The following KCNQ2 variants were observed in gnomAD, a reference collection of about 807,000 sequenced individuals.
The protein encoded by KCNQ2 is potassium voltage-gated channel subfamily KQT member 2.
KCNQ2 carries 14 observed loss-of-function variants against 84.8 expected under a neutral mutation model. The observed-to-expected ratio is 0.17, with a 90% CI of 0.11 to 0.26. The LOEUF (loss-of-function observed/expected upper bound fraction) is 0.26, where lower values mean the gene tolerates loss of function less well. Among genes scored for constraint, KCNQ2 ranks in the 10% least tolerant of loss-of-function variants. The pLI is 1.00. For synonymous variants in KCNQ2, 599 were observed against 554.1 expected (o/e 1.08, Z -1.14); for missense variants, 788 against 1,254.0 (o/e 0.63, Z 5.61).
At chr20:63,415,304 C>T (rs914765083) in intron 12 of KCNQ2, among the ~76,000 whole-genome samples, 178 bp from the exon 13 acceptor site, 1 of 141,340 alleles carries the variant, frequency 7.1e-6, no homozygotes, top group African/African-American at 2.6e-5. Flanking sequence ...ACCGAGCACC[C>T]GGCGGGAGGG....
At chr20:63,426,105 G>A (rs532618432) in intron 10 of KCNQ2, among the ~76,000 whole-genome samples, 221 of 152,334 alleles carry the variant, frequency 1.5e-3, no homozygotes, top group African/African-American at 5.0e-3. Flanking sequence ...GAGCGCCACC[G>A]GCCTGTTTCC....
Position 63,406,488 on chromosome 20 carries a change from C to T in KCNQ2, c.*156G>A, listed in dbSNP as rs1300853399. ...TTTTGTAAAAGGTCACTGCCAGGAG[C>T]CCCCATCCTTCAGCCCACATGGGCC... On this transcript the variant is annotated 3_prime_UTR_variant, in exon 17 of 17. Coordinates refer to ENST00000359125, the MANE Select transcript of KCNQ2 (RefSeq NM_172107.4). The T allele has an allele frequency of 9.3e-6, 8 of 861,300 alleles. No homozygotes were observed. The highest frequency in any genetic ancestry group is 1.4e-5 in the Non-Finnish European group (8 of 577,656). 53.4% of individuals were successfully genotyped at this position (861,300 alleles called of 1,614,324 possible). A position where few individuals can be genotyped will look rare whatever the true frequency, so the allele number is the denominator to read the frequency against.
At chr20:63,409,794 G>A (rs2080061624) in intron 15 of KCNQ2, among the ~76,000 whole-genome samples, 1 of 144,516 alleles carries the variant, frequency 6.9e-6, no homozygotes, top group African/African-American at 2.6e-5. Context: ...CCTCTGATGG[G>A]GGCGGGACTT....
rs1283295224 is a variant in KCNQ2 at position 63,401,940 on chromosome 20, C to G, written c.*4704G>C. 1 of 179,382 alleles carries G rather than the reference C, an allele frequency of 5.6e-6. No individual in the cohort carries two copies. The highest frequency in any genetic ancestry group is 1.2e-5 in the Non-Finnish European group (1 of 83,706). 11.1% of individuals were successfully genotyped at this position (179,382 alleles called of 1,614,324 possible). A position where few individuals can be genotyped will look rare whatever the true frequency, so the allele number is the denominator to read the frequency against. ...CTCGTGAGCCATCCCTCTCATACCACGTCTGCTGGGCACCCTCCACGGCAG... is the reference window on the plus strand; with the variant it reads ...CTCGTGAGCCATCCCTCTCATACCAGGTCTGCTGGGCACCCTCCACGGCAG... On this transcript the variant is annotated 3_prime_UTR_variant, in exon 17 of 17. Coordinates refer to ENST00000359125, the MANE Select transcript of KCNQ2 (RefSeq NM_172107.4).
intron 4 of KCNQ2, among the ~76,000 whole-genome samples, chr20:63,443,367 TCATCACCACCATCATCAC>T (rs1568937457): frequency 5.4e-4 from 11 of 20,228 alleles, no homozygotes; most frequent in African/African-American, 1.5e-3. Context: ...ACCATCACCA[TCATCACCACCATCATCAC>T]CACCACCATC....
intron 3 of KCNQ2, 75 bp from the exon 4 acceptor site, chr20:63,444,909 C>T: frequency 2.1e-6 from 3 of 1,454,828 alleles, no homozygotes; most frequent in South Asian, 2.7e-5. Context: ...CCCCACCCCG[C>T]GTTCCAGGAG....
chr20:63,422,073 G>T (rs1021518427), intron 11 of KCNQ2, among the ~76,000 whole-genome samples: 3 of 152,146 alleles, frequency 2.0e-5, no homozygotes, highest in African/African-American at 7.2e-5. Flanking sequence ...GACACCAGCG[G>T]GGTCCTGCCA....
chr20:63,442,323 C>T, intron 5 of KCNQ2, 83 bp downstream of exon 5: 1 of 1,593,030 alleles, frequency 6.3e-7, no homozygotes, highest in South Asian at 1.1e-5. Context: ...ATGGAGCAGG[C>T]TCAGCCAGTG....
chr20:63,465,799 T>C (rs1181711570), intron 1 of KCNQ2, among the ~76,000 whole-genome samples: 2 of 152,164 alleles, frequency 1.3e-5, no homozygotes, highest in Non-Finnish European at 1.5e-5. Context: ...AGCCAAGTGT[T>C]GTCGGAAGGC....
chr20:63,408,669 T>G lies in KCNQ2; in HGVS notation c.1764-133A>C. 1.4e-6 allele frequency: 2 copies of G among 1,383,704 alleles called. No homozygotes were observed. The highest frequency in any genetic ancestry group is 2.0e-6 in the Non-Finnish European group (2 of 1,008,756). The allele number at this position is 1,383,704 out of a possible 1,614,324, so 85.7% of individuals were successfully genotyped here. A position where few individuals can be genotyped will look rare whatever the true frequency, so the allele number is the denominator to read the frequency against. On this transcript the variant is annotated intron_variant, in intron 15 of 16. Coordinates refer to ENST00000359125, the MANE Select transcript of KCNQ2 (RefSeq NM_172107.4). The surrounding 1 kb of genome is among the most constrained non-coding windows in gnomAD (Gnocchi z 5.0). Reference sequence around the variant, plus strand: ...CAGCCCAGAGCCGACCAGGGGGCAGTGGGTGCCAGGACAGATGGACGGGGT... The same window carrying G: ...CAGCCCAGAGCCGACCAGGGGGCAGGGGGTGCCAGGACAGATGGACGGGGT...
At chr20:63,445,128 T>C in intron 3 of KCNQ2, 110 bp downstream of exon 3, 1 of 1,454,532 alleles carries the variant, frequency 6.9e-7, no homozygotes, top group Non-Finnish European at 9.6e-7. Flanking sequence ...AAGGAGCCAG[T>C]CCTGCCCAGC....
At chr20:63,453,504 G>T (rs887340363) in intron 1 of KCNQ2, among the ~76,000 whole-genome samples, 1 of 152,234 alleles carries the variant, frequency 6.6e-6, no homozygotes. Flanking sequence ...TCTGCCTAAC[G>T]GGGTTTTCTC....
intron 1 of KCNQ2, among the ~76,000 whole-genome samples, chr20:63,452,880 GGAC>G (rs145740003): frequency 0.08 from 12,249 of 152,208 alleles, 783 homozygotes; most frequent in African/African-American, 0.15. Context: ...CCTCAGCCCG[GGAC>G]GACGCGCCAG....
chr20:63,408,297 C>T lies in KCNQ2; in HGVS notation c.1887+116G>A. 1 of 1,329,478 alleles carries T rather than the reference C, an allele frequency of 7.5e-7. No homozygotes were observed. Among genetic ancestry groups the T allele is most frequent in the Non-Finnish European group, 1.0e-6 (1 of 958,622 alleles). The allele number at this position is 1,329,478 out of a possible 1,614,324, so 82.4% of individuals were successfully genotyped here. ...GTCAGTGGTGACAGGGCCATGTAAA[C>T]CCTAGACTTGAGGAGCCCTCCGTGG... On this transcript the variant is annotated intron_variant, in intron 16 of 16. Transcript: ENST00000359125. This position sits in a 1 kb window ranked among gnomAD's most constrained non-coding sequence, Gnocchi z 5.0.
chr20:63,419,098 G>C (rs745333217), intron 12 of KCNQ2, among the ~76,000 whole-genome samples: 1 of 151,994 alleles, frequency 6.6e-6, no homozygotes, highest in African/African-American at 2.4e-5. Flanking sequence ...CTCCTCCCCC[G>C]TCCTATTTCC....
chr20:63,431,205 G>A (rs918489149), intron 9 of KCNQ2, 135 bp downstream of exon 9: 3 of 1,030,634 alleles, frequency 2.9e-6, no homozygotes, highest in Non-Finnish European at 4.6e-6. Flanking sequence ...GCATAGGGAT[G>A]CTCGGTGGGC....
chr20:63,468,901 GCTCA>G (rs2082143901), intron 1 of KCNQ2, among the ~76,000 whole-genome samples: 3 of 152,238 alleles, frequency 2.0e-5, no homozygotes, highest in Admixed American at 2.0e-4. Flanking sequence ...CAACTCTGGA[GCTCA>G]CTCAACCTTC....
intron 5 of KCNQ2, among the ~76,000 whole-genome samples, chr20:63,440,429 T>C (rs1416624962): frequency 6.6e-6 from 1 of 152,076 alleles, no homozygotes. Flanking sequence ...CACCCTGCAC[T>C]CAGTGCTGGA....
At chr20:63,468,568 G>C (rs1231813294) in intron 1 of KCNQ2, among the ~76,000 whole-genome samples, 2 of 152,222 alleles carry the variant, frequency 1.3e-5, no homozygotes, top group Non-Finnish European at 2.9e-5. Context: ...GAAGCGCCTG[G>C]GCCCCGGCAC....
Sources: gnomAD v4.1 joint callset for allele counts (sites outside exome capture counted in the v4.1 genomes callset) on GRCh38, gnomAD v4.1.1 for gene constraint, Gnocchi (gnomAD v3.1) non-coding constraint, MANE v1.5 for transcripts, NCBI Gene and HGNC (gene_info 2026-07-23, HGNC 2026-07-21) for gene names.